ADAMTS2: variants seen among roughly 807,000 people sequenced by gnomAD.
The protein encoded by ADAMTS2 is A disintegrin and metalloproteinase with thrombospondin motifs 2.
In ADAMTS2, 50 loss-of-function variants were observed where a neutral mutation model predicts 123.0. That is an observed-to-expected ratio of 0.41 (90% CI 0.32 to 0.51). The LOEUF is 0.51. Among genes scored for constraint, ADAMTS2 ranks in the 20% least tolerant of loss-of-function variants. The probability of loss-of-function intolerance (pLI) is 0.35; values close to 1 mark genes in which losing one functional copy is unlikely to be tolerated. For missense variants in ADAMTS2, 1,494 were observed against 1,705.2 expected, an observed-to-expected ratio of 0.88 and a Z score of 2.18; for synonymous variants, 678 against 695.4, an observed-to-expected ratio of 0.98 and a Z score of 0.39.
chr5:179,122,653 G>C lies in ADAMTS2; in HGVS notation c.3079C>G (p.Pro1027Ala). The C allele has an allele frequency of 6.4e-7, 1 of 1,551,150 alleles. No homozygotes were observed. Among genetic ancestry groups the C allele is most frequent in the Non-Finnish European group, 8.7e-7 (1 of 1,147,478 alleles). Residue 1027 changes from proline (P) to alanine (A), a missense_variant, in exon 20 of 22, where the codon CCC (proline) becomes GCC (alanine). Physicochemically the swap from Pro to Ala is conservative, Grantham distance 27. Transcript: ENST00000251582. ...PETARTCRLG[P>A]CPRNISDPSK... ...GCTGCAGGTGGCTTACGGGGACAGG[G>C]GCCAAGCCTGCAGGTCCTCGCTGTC...
chr5:179,216,539 C>T (rs2113394914), intron 3 of ADAMTS2, among the ~76,000 whole-genome samples: 1 of 152,234 alleles, frequency 6.6e-6, no homozygotes, highest in Middle Eastern at 3.4e-3. Flanking sequence ...CCACCTGGGC[C>T]CTACCAGGTG....
Position 179,189,517 on chromosome 5 carries a change from T to C in ADAMTS2, c.892-8362A>G. Among the ~76,000 whole-genome samples the C allele has an allele frequency of 7.3e-6, 1 of 137,366 alleles. No homozygotes were observed. Among genetic ancestry groups the C allele is most frequent in the African/African-American group, 2.7e-5 (1 of 36,766 alleles). 90.1% of individuals were successfully genotyped at this position (137,366 alleles called of 152,430 possible). A position where few individuals can be genotyped will look rare whatever the true frequency, so the allele number is the denominator to read the frequency against. ...CGCCCGCCAGTGCGCCTGGTTTTTT[T>C]TTTTTTTTTTTTTTTTTTTTTAGTA... is the stretch of plus-strand genomic sequence containing the variant. On this transcript the variant is annotated intron_variant, in intron 4 of 21. Transcript: ENST00000251582. The surrounding 1 kb of genome is among the most constrained non-coding windows in gnomAD (Gnocchi z 4.2).
chr5:179,191,391 C>T (rs973191483), intron 4 of ADAMTS2, among the ~76,000 whole-genome samples: 1 of 152,190 alleles, frequency 6.6e-6, no homozygotes, highest in East Asian at 1.9e-4. Flanking sequence ...CCCCCACACG[C>T]CCGTCTCAGA....
intron 2 of ADAMTS2, among the ~76,000 whole-genome samples, chr5:179,337,877 T>TTCAC (rs1554099380): frequency 1.5e-5 from 2 of 137,612 alleles, no homozygotes; most frequent in Admixed American, 1.5e-4. Context: ...AGGGCCTGAA[T>TTCAC]TCACTCACTC....
intron 5 of ADAMTS2, among the ~76,000 whole-genome samples, chr5:179,178,019 C>T (rs1480920228): frequency 2.6e-5 from 4 of 152,200 alleles, no homozygotes; most frequent in African/African-American, 9.7e-5. Context: ...GGCACCCAGA[C>T]CAATCAATGG....
In ADAMTS2 at chr5:179,132,811, G is replaced by T; in HGVS notation, c.2175C>A (p.Val725=). ...TGGGTGACCGTGTGAACGTGCCCTTGACCACTTTGCAGTGGCTGTTGTCCC... is the reference window on the plus strand; with the variant it reads ...TGGGTGACCGTGTGAACGTGCCCTTTACCACTTTGCAGTGGCTGTTGTCCC... The part of the protein sequence containing the change: ...CGGDNSHCKV[V]KGTFTRSPKK... The change falls in exon 14 of 22, where the codon GTC becomes GTA. Residue 725 remains valine (V), a synonymous_variant. Transcript: ENST00000251582. The surrounding 1 kb of genome is among the most constrained non-coding windows in gnomAD (Gnocchi z 6.1). 6.2e-7 allele frequency: 1 copy of T among 1,614,092 alleles called. No individual in the cohort carries two copies. The highest frequency in any genetic ancestry group is 1.1e-5 in the South Asian group (1 of 91,072).
rs573639090 is a variant in ADAMTS2, at chr5:179,139,616, G to C, written c.1775+274C>G. Among the ~76,000 whole-genome samples the C allele has an allele frequency of 5.3e-5, 8 of 152,234 alleles. No homozygotes were observed. In the South Asian group the frequency reaches 1.2e-3, roughly 24 times the overall value. ...GTCCTCCCTCCTCTCCTCCATGCCC[G>C]TGGCCAGGAGAGACAGAGTAAATCT... is the stretch of plus-strand genomic sequence containing the variant. On this transcript the variant is annotated intron_variant, in intron 11 of 21. Transcript: ENST00000251582.
At chr5:179,335,196 A>G (rs1002727120) in intron 2 of ADAMTS2, among the ~76,000 whole-genome samples, 1 of 151,976 alleles carries the variant, frequency 6.6e-6, no homozygotes. Context: ...CTCGAGCTTT[A>G]TATGTAGCCA....
intron 5 of ADAMTS2, among the ~76,000 whole-genome samples, chr5:179,165,377 T>G (rs1763677308): frequency 6.6e-6 from 1 of 152,212 alleles, no homozygotes; most frequent in African/African-American, 2.4e-5. Context: ...TTGTTTCCAC[T>G]GAGGAGTCTT....
At chr5:179,186,010 A>G (rs933067918) in intron 4 of ADAMTS2, among the ~76,000 whole-genome samples, 1 of 151,988 alleles carries the variant, frequency 6.6e-6, no homozygotes, top group Non-Finnish European at 1.5e-5. Context: ...TCCTCTCCCC[A>G]GGAAACCTCT....
chr5:179,321,874 G>C (rs1364516518), intron 2 of ADAMTS2, among the ~76,000 whole-genome samples: 1 of 152,090 alleles, frequency 6.6e-6, no homozygotes, highest in Non-Finnish European at 1.5e-5. Context: ...CAGGCCCACA[G>C]ACCCAAGTGC....
chr5:179,209,182 A>G (rs1561806750), intron 3 of ADAMTS2, among the ~76,000 whole-genome samples: 1 of 152,196 alleles, frequency 6.6e-6, no homozygotes, highest in Non-Finnish European at 1.5e-5. Context: ...CAGTGCTGAC[A>G]GCAGGCCACT....
At chr5:179,336,562 T>C (rs963800576) in intron 2 of ADAMTS2, among the ~76,000 whole-genome samples, 2 of 151,740 alleles carry the variant, frequency 1.3e-5, no homozygotes, top group Non-Finnish European at 2.9e-5. Flanking sequence ...TAAATGGGAG[T>C]GTCTCCTCTT....
chr5:179,129,457 G>A lies in ADAMTS2; in HGVS notation c.2457+475C>T, dbSNP rs962576072. ...AAGTGATCTGACCTCCTCAAAACCAGGTAAAAAGAAAGTGATTTGAAAATC... is the reference window on the plus strand; with the variant it reads ...AAGTGATCTGACCTCCTCAAAACCAAGTAAAAAGAAAGTGATTTGAAAATC... On this transcript the variant is annotated intron_variant, in intron 16 of 21. Coordinates refer to ENST00000251582, the MANE Select transcript of ADAMTS2 (RefSeq NM_014244.5). The surrounding 1 kb of genome is among the most constrained non-coding windows in gnomAD (Gnocchi z 4.1). 5.9e-5 allele frequency among the ~76,000 whole-genome samples: 9 copies of A among 152,266 alleles called. No individual in the cohort carries two copies. Among genetic ancestry groups the A allele is most frequent in the African/African-American group, 1.9e-4 (8 of 41,548 alleles).
chr5:179,257,049 G>C (rs867662979), intron 3 of ADAMTS2, among the ~76,000 whole-genome samples: 2 of 152,336 alleles, frequency 1.3e-5, no homozygotes, highest in African/African-American at 4.8e-5. Context: ...GGAGCACCAA[G>C]GACACCAAGA....
intron 2 of ADAMTS2, among the ~76,000 whole-genome samples, chr5:179,319,380 CAT>C (rs1481105454): frequency 1.3e-5 from 2 of 152,186 alleles, no homozygotes; most frequent in Non-Finnish European, 1.5e-5. Flanking sequence ...ATGCAGGTAT[CAT>C]ATGTACAGGC....
chr5:179,182,350 C>T (rs547948072), intron 4 of ADAMTS2, among the ~76,000 whole-genome samples: 10 of 152,258 alleles, frequency 6.6e-5, no homozygotes, highest in East Asian at 5.8e-4. Flanking sequence ...CTGACAGCTC[C>T]GGACATGGCC....
intron 2 of ADAMTS2, among the ~76,000 whole-genome samples, chr5:179,284,842 G>T (rs1755971766): frequency 6.6e-6 from 1 of 152,212 alleles, no homozygotes; most frequent in Admixed American, 6.5e-5. Flanking sequence ...GGCAAGCCCA[G>T]CTGCAGCATG....
intron 3 of ADAMTS2, among the ~76,000 whole-genome samples, chr5:179,212,401 AGGTGTG>A (rs1764877624): frequency 7.1e-6 from 1 of 140,258 alleles, no homozygotes; most frequent in African/African-American, 2.7e-5. Flanking sequence ...CTCTGTGGGC[AGGTGTG>A]GGCTCTGAAG....
Sources: gnomAD v4.1 joint callset for allele counts (sites outside exome capture counted in the v4.1 genomes callset) on GRCh38, gnomAD v4.1.1 for gene constraint, Gnocchi (gnomAD v3.1) non-coding constraint, MANE v1.5 for transcripts, NCBI Gene and HGNC (gene_info 2026-07-23, HGNC 2026-07-21) for gene names.